Variants in GSE1 observed in about 807,000 individuals in gnomAD.
GSE1 encodes the protein Gse1 coiled-coil protein.
A neutral mutation model predicts 112.6 loss-of-function variants in GSE1; 32 were observed. That is an observed-to-expected ratio of 0.28 (90% CI 0.21 to 0.38). GSE1 has a LOEUF of 0.38. GSE1 is among the 10% of genes least tolerant of loss of function. GSE1 has a pLI of 1.00. For missense variants in GSE1, 2,348 were observed against 1,699.2 expected (o/e 1.38, Z -6.71); for synonymous variants, 1,115 against 735.6 (o/e 1.52, Z -8.35).
chr16:85,472,784 C>G (rs188827203), intron 2 of GSE1, among the ~76,000 whole-genome samples: 124 of 152,352 alleles, frequency 8.1e-4, no homozygotes, highest in African/African-American at 2.8e-3. Flanking sequence ...AAGCTGTCAC[C>G]ATGACATGGA....
chr16:85,494,027 T>C (rs1597946594), intron 2 of GSE1, among the ~76,000 whole-genome samples: 1 of 152,288 alleles, frequency 6.6e-6, no homozygotes, highest in African/African-American at 2.4e-5. Context: ...GAGGCTACAG[T>C]CACAACATTG....
upstream of GSE1, among the ~76,000 whole-genome samples, chr16:85,612,089 T>G (rs1598375714): frequency 6.6e-6 from 1 of 151,018 alleles, no homozygotes; most frequent in African/African-American, 2.4e-5. Context: ...TGGAAGAGGA[T>G]GAGGAGGGAG....
chr16:85,454,013 G>T (rs139464240), intron 2 of GSE1, among the ~76,000 whole-genome samples: 1 of 152,082 alleles, frequency 6.6e-6, no homozygotes, highest in Non-Finnish European at 1.5e-5. Flanking sequence ...TTCCACCCCC[G>T]CCCCCTGCCC....
intron 2 of GSE1, among the ~76,000 whole-genome samples, chr16:85,368,300 C>A (rs762944867): frequency 9.2e-5 from 14 of 152,316 alleles, no homozygotes; most frequent in Middle Eastern, 3.4e-3. Context: ...CTGGGCAGAA[C>A]TCTTTGTGCT....
intron 1 of GSE1, among the ~76,000 whole-genome samples, chr16:85,580,590 C>A (rs2151381692): frequency 6.6e-6 from 1 of 152,346 alleles, no homozygotes; most frequent in East Asian, 1.9e-4. Context: ...CAAGGCCTGG[C>A]TGTGGTGGCT....
chr16:85,391,943 A>T (rs1218831146), intron 2 of GSE1, among the ~76,000 whole-genome samples: 1 of 152,094 alleles, frequency 6.6e-6, no homozygotes, highest in Non-Finnish European at 1.5e-5. Context: ...GGGTGTCCCC[A>T]GGAGTCACTC....
At chr16:85,292,192 G>A (rs1205944627) in intron 1 of GSE1, among the ~76,000 whole-genome samples, 1 of 151,176 alleles carries the variant, frequency 6.6e-6, no homozygotes, top group Non-Finnish European at 1.5e-5. Flanking sequence ...AGGCTGGAGT[G>A]CAGTGGCGCA....
At position 85,195,009 on chromosome 16, in the gene GSE1, ATCAC is replaced by A. The variant is rs574395972; in HGVS notation, c.2283+23206_2283+23209del. On this transcript the variant is annotated intron_variant, in intron 1 of 2. Coordinates refer to the GSE1 transcript ENST00000637419. ...ATAAAGACTTGTTCCCGGTACAGGAATCACTCAGGAGATTTGTGAGGTGGGAAAA... is the reference window on the plus strand; with the variant it reads ...ATAAAGACTTGTTCCCGGTACAGGAATCAGGAGATTTGTGAGGTGGGAAAA... Among the ~76,000 whole-genome samples the A allele has an allele frequency of 5.9e-3, 900 of 152,236 alleles. 7 individuals are homozygous for A. Among genetic ancestry groups the A allele is most frequent in the Middle Eastern group, 0.014 (4 of 294 alleles).
intron 2 of GSE1, among the ~76,000 whole-genome samples, chr16:85,491,566 TG>T (rs1292313214): frequency 6.6e-6 from 1 of 151,988 alleles, no homozygotes; most frequent in Non-Finnish European, 1.5e-5. Flanking sequence ...GCCTGGCCTG[TG>T]GGCAAGGAGG....
At chr16:85,378,187 C>T (rs1236242167) in intron 2 of GSE1, among the ~76,000 whole-genome samples, 1 of 152,166 alleles carries the variant, frequency 6.6e-6, no homozygotes, top group African/African-American at 2.4e-5. Flanking sequence ...GGGTAGGGCT[C>T]CCTCCTCCGT....
chr16:85,447,447 G>A (rs887271623), intron 2 of GSE1, among the ~76,000 whole-genome samples: 6 of 152,198 alleles, frequency 3.9e-5, no homozygotes, highest in South Asian at 2.1e-4. Flanking sequence ...TCTGAAAAAC[G>A]GGGCAGTTAA....
intron 2 of GSE1, among the ~76,000 whole-genome samples, chr16:85,463,327 T>A (rs2050030334): frequency 6.6e-6 from 1 of 152,198 alleles, no homozygotes; most frequent in Admixed American, 6.5e-5. Flanking sequence ...AGCCCTGGGT[T>A]GGTTTCCTCA....
rs1239876754 is a variant in GSE1, at chr16:85,269,267, G to C, written c.2284-88196G>C. 2.0e-5 allele frequency among the ~76,000 whole-genome samples: 3 copies of C among 149,448 alleles called. 1 individual carries two copies. The highest frequency in any genetic ancestry group is 4.5e-5 in the Non-Finnish European group (3 of 66,312). On this transcript the variant is annotated intron_variant, in intron 1 of 2. Transcript: ENST00000637419. ...TCCTGAGGGCTGCCAGGCCCTTCCT[G>C]GGGGAGCATCCCACGTCCTTCCCCT...
intron 1 of GSE1, among the ~76,000 whole-genome samples, chr16:85,279,217 C>T (rs998035790): frequency 3.3e-5 from 5 of 152,162 alleles, no homozygotes; most frequent in African/African-American, 1.2e-4. Flanking sequence ...AGGCCAAGGC[C>T]CCAGGGAGAA....
At chr16:85,490,889 ACAGCTGATTAG>A (rs2050989704) in intron 2 of GSE1, 1 of 152,192 alleles carries the variant, frequency 6.6e-6, no homozygotes, top group East Asian at 1.9e-4. Flanking sequence ...TGCCACGGTT[ACAGCTGATTAG>A]CGTGTGTATG....
chr16:85,616,817 G>A (rs1011802859), intron 1 of GSE1, among the ~76,000 whole-genome samples: 4 of 152,156 alleles, frequency 2.6e-5, no homozygotes, highest in East Asian at 1.9e-4. Context: ...GGGAGGTGAC[G>A]TTTCGGAGTG....
chr16:85,653,997 T>TG (rs1567728084), intron 3 of GSE1, among the ~76,000 whole-genome samples: 1 of 152,086 alleles, frequency 6.6e-6, no homozygotes, highest in East Asian at 1.9e-4. Flanking sequence ...ATTGTGTTTC[T>TG]GGGGGGTTCT....
At chr16:85,385,569 A>G in intron 2 of GSE1, among the ~76,000 whole-genome samples, 1 of 152,096 alleles carries the variant, frequency 6.6e-6, no homozygotes, top group East Asian at 1.9e-4. Flanking sequence ...CTGGTGGAGG[A>G]GGGGTGTCCG....
chr16:85,597,011 T>G (rs947766788), intron 1 of GSE1, among the ~76,000 whole-genome samples: 2 of 151,870 alleles, frequency 1.3e-5, no homozygotes, highest in African/African-American at 4.8e-5. Context: ...GAACTCTCCC[T>G]CTGTCACCCA....
Sources: gnomAD v4.1 joint callset for allele counts (sites outside exome capture counted in the v4.1 genomes callset) on GRCh38, gnomAD v4.1.1 for gene constraint, MANE v1.5 for transcripts, NCBI Gene and HGNC (gene_info 2026-07-23, HGNC 2026-07-21) for gene names.